ANXA4: variants seen among roughly 807,000 people sequenced by gnomAD.
The protein encoded by ANXA4 is annexin A4.
Under a neutral mutation model 49.8 loss-of-function variants are expected in ANXA4, and 39 were observed. The observed-to-expected ratio is 0.78, with a 90% CI of 0.61 to 1.02. ANXA4 has a LOEUF of 1.02. Among genes scored for constraint, ANXA4 ranks in the 50% least tolerant of loss-of-function variants. ANXA4 has a pLI of 0.00. For missense variants in ANXA4, 360 were observed against 410.1 expected, an observed-to-expected ratio of 0.88 and a Z score of 1.05; for synonymous variants, 134 against 152.5, an observed-to-expected ratio of 0.88 and a Z score of 0.89.
At chr2:69,779,438 A>G (rs952068741) in intron 1 of ANXA4, among the ~76,000 whole-genome samples, 1 of 152,136 alleles carries the variant, frequency 6.6e-6, no homozygotes, top group African/African-American at 2.4e-5. Flanking sequence ...GTAAATCTAC[A>G]CAGTCCATGA....
chr2:69,806,594 A>G (rs1373454730), intron 5 of ANXA4, 96 bp downstream of exon 5: 1 of 948,558 alleles, frequency 1.1e-6, no homozygotes, highest in African/African-American at 1.6e-5. Flanking sequence ...ACATGGAAGC[A>G]ACCTAAACGC....
At chr2:69,656,303 ATGTATATATG>A (rs1676462662) in intron 2 of ANXA4, among the ~76,000 whole-genome samples, 2 of 110,950 alleles carry the variant, frequency 1.8e-5, no homozygotes, top group Non-Finnish European at 3.4e-5. Flanking sequence ...ATGTATATAT[ATGTATATATG>A]TATATATATG....
At chr2:69,774,974 T>C (rs994745169) in intron 1 of ANXA4, among the ~76,000 whole-genome samples, 4 of 152,198 alleles carry the variant, frequency 2.6e-5, no homozygotes, top group Non-Finnish European at 4.4e-5. Flanking sequence ...AATGCTAGCA[T>C]TTTGAATACT....
intron 1 of ANXA4, among the ~76,000 whole-genome samples, chr2:69,757,937 C>T (rs984505806): frequency 3.9e-5 from 5 of 129,064 alleles, no homozygotes; most frequent in East Asian, 2.4e-4. Context: ...CCAGCCTGGG[C>T]GGCTGAATGA....
intron 8 of ANXA4, chr2:69,814,743 GGT>G (rs754855168): frequency 0.11 from 13,087 of 123,506 alleles, 829 homozygotes; most frequent in Non-Finnish European, 0.13. Flanking sequence ...GACACAGAGG[GGT>G]GTGTGTGTGT....
At chr2:69,679,965 T>C (rs1677541133) in intron 2 of ANXA4, among the ~76,000 whole-genome samples, 1 of 152,368 alleles carries the variant, frequency 6.6e-6, no homozygotes, top group Admixed American at 6.5e-5. Flanking sequence ...TTCTTTTTAC[T>C]CAGGATTGCT....
intron 2 of ANXA4, among the ~76,000 whole-genome samples, chr2:69,720,549 G>C (rs1669789107): frequency 6.6e-6 from 1 of 152,190 alleles, no homozygotes; most frequent in Non-Finnish European, 1.5e-5. Flanking sequence ...TATGTATCCT[G>C]ATGGCAAGGG....
chr2:69,778,335 T>G (rs1349820600), intron 1 of ANXA4, among the ~76,000 whole-genome samples: 3 of 152,242 alleles, frequency 2.0e-5, no homozygotes, highest in Admixed American at 6.5e-5. Context: ...CAAAGGGTTT[T>G]AGCAGCCTAT....
intron 1 of ANXA4, among the ~76,000 whole-genome samples, chr2:69,744,184 TG>T (rs960341752): frequency 1.3e-5 from 2 of 152,100 alleles, no homozygotes; most frequent in African/African-American, 4.8e-5. Context: ...GACACCCACC[TG>T]TAGTCCCAGC....
At chr2:69,803,684 G>A (rs1244735260) in intron 3 of ANXA4, among the ~76,000 whole-genome samples, 1 of 152,128 alleles carries the variant, frequency 6.6e-6, no homozygotes, top group African/African-American at 2.4e-5. Context: ...AGTGAATGCA[G>A]TAACAGCCAA....
At chr2:69,694,761 TGTTGTAA>T (rs1167570871) in intron 2 of ANXA4, among the ~76,000 whole-genome samples, 1 of 152,058 alleles carries the variant, frequency 6.6e-6, no homozygotes, top group East Asian at 1.9e-4. Context: ...GGGTAAACTT[TGTTGTAA>T]GATAAATTTA....
intron 2 of ANXA4, among the ~76,000 whole-genome samples, chr2:69,666,307 TGGGG>T (rs1676932132): frequency 6.6e-6 from 1 of 152,166 alleles, no homozygotes; most frequent in South Asian, 2.1e-4. Flanking sequence ...TTACAGCCAT[TGGGG>T]TAGCTGTAAT....
rs140911683 is a variant in ANXA4, at chr2:69,812,496, G to A, written c.478-157G>A. Among the ~76,000 whole-genome samples the A allele has an allele frequency of 1.6e-4, 24 of 152,286 alleles. No individual in the cohort carries two copies. The East Asian group carries it at 1.7e-3, about 11-fold the overall frequency. ...CACATCAGAGCCATTGTAATAATGCGAGCGCATTTAGAGGACGTCTGTCCT... is the reference window on the plus strand; with the variant it reads ...CACATCAGAGCCATTGTAATAATGCAAGCGCATTTAGAGGACGTCTGTCCT... On this transcript the variant is annotated intron_variant, in intron 7 of 12. Coordinates refer to ENST00000394295, the MANE Select transcript of ANXA4 (RefSeq NM_001153.5).
At chr2:69,788,698 C>T (rs1573257530) in intron 3 of ANXA4, among the ~76,000 whole-genome samples, 2 of 151,650 alleles carry the variant, frequency 1.3e-5, no homozygotes, top group Admixed American at 1.3e-4. Flanking sequence ...ATTAGCTGGG[C>T]GTGGTGGCGG....
At chr2:69,767,798 G>A (rs557906016) in intron 1 of ANXA4, among the ~76,000 whole-genome samples, 1 of 152,228 alleles carries the variant, frequency 6.6e-6, no homozygotes, top group African/African-American at 2.4e-5. Flanking sequence ...AAGATATGAA[G>A]AACGAGAAAG....
intron 2 of ANXA4, among the ~76,000 whole-genome samples, chr2:69,683,051 T>C (rs539401091): frequency 6.6e-6 from 1 of 152,358 alleles, no homozygotes; most frequent in South Asian, 2.1e-4. Context: ...TATTTTTTTC[T>C]GGTCTTTTAA....
chr2:69,779,267 T>G (rs1033970502), intron 1 of ANXA4, among the ~76,000 whole-genome samples: 1 of 152,078 alleles, frequency 6.6e-6, no homozygotes, highest in African/African-American at 2.4e-5. Flanking sequence ...TGTCTAGTTA[T>G]GTAAAAAATA....
intron 2 of ANXA4, among the ~76,000 whole-genome samples, chr2:69,715,922 G>A (rs1412751271): frequency 2.0e-5 from 3 of 152,120 alleles, no homozygotes. Flanking sequence ...AGAGTCCAAG[G>A]CATGGTCAAT....
chr2:69,783,847 A>G (rs959988586), intron 2 of ANXA4, among the ~76,000 whole-genome samples: 2 of 152,064 alleles, frequency 1.3e-5, no homozygotes, highest in African/African-American at 2.4e-5. Flanking sequence ...AACATCCTAT[A>G]TATTGAATCA....
Sources: gnomAD v4.1 joint callset for allele counts (sites outside exome capture counted in the v4.1 genomes callset) on GRCh38, gnomAD v4.1.1 for gene constraint, MANE v1.5 for transcripts, NCBI Gene and HGNC (gene_info 2026-07-23, HGNC 2026-07-21) for gene names.